The following TTPA variants were observed in gnomAD, a reference collection of about 807,000 sequenced individuals.
TTPA encodes alpha tocopherol transfer protein.
In TTPA, 23 loss-of-function variants were observed where a neutral mutation model predicts 25.9. The ratio of observed to expected loss-of-function variants is 0.89; its 90% confidence interval spans 0.64 to 1.26. The LOEUF (loss-of-function observed/expected upper bound fraction) is 1.26. TTPA is among the 50% of genes most tolerant of loss of function. The probability of loss-of-function intolerance (pLI) is 0.00; values close to 1 mark genes in which losing one functional copy is unlikely to be tolerated. For synonymous variants in TTPA, 148 were observed against 137.3 expected, an observed-to-expected ratio of 1.08 and a Z score of -0.54; for missense variants, 337 against 353.1, an observed-to-expected ratio of 0.95 and a Z score of 0.37.
intron 1 of TTPA, among the ~76,000 whole-genome samples, chr8:63,074,164 C>G (rs1404886661): frequency 6.6e-6 from 1 of 152,072 alleles, no homozygotes; most frequent in African/African-American, 2.4e-5. Context: ...AACAAGGTAA[C>G]TATAACCACA....
chr8:63,060,091 G>GA lies in TTPA; in HGVS notation c.*1160dup, dbSNP rs1428043431. 6.6e-6 allele frequency: 1 copy of GA among 152,104 alleles called. No homozygotes were observed. The highest frequency in any genetic ancestry group is 2.4e-5 in the African/African-American group (1 of 41,424). 9.4% of individuals were successfully genotyped at this position (152,104 alleles called of 1,614,324 possible). A position where few individuals can be genotyped will look rare whatever the true frequency, so the allele number is the denominator to read the frequency against. On this transcript the variant is annotated 3_prime_UTR_variant, in exon 5 of 5. Transcript: ENST00000260116. ...ACTCATATTATTTTATGCATAATCT[G>GA]AAAAATACCAGATGTAATTGACAGT...
chr8:63,074,914 T>C (rs908494719), intron 1 of TTPA, among the ~76,000 whole-genome samples: 1 of 152,134 alleles, frequency 6.6e-6, no homozygotes, highest in African/African-American at 2.4e-5. Flanking sequence ...ACAACACGTG[T>C]TGAATGAAAG....
intron 1 of TTPA, among the ~76,000 whole-genome samples, chr8:63,082,337 A>G (rs1460407015): frequency 2.6e-5 from 4 of 152,102 alleles, no homozygotes; most frequent in South Asian, 2.1e-4. Flanking sequence ...AAATAACACC[A>G]CACATCTACA....
At chr8:63,064,414 A>G in intron 3 of TTPA, 98 bp from the exon 4 acceptor site, 2 of 828,542 alleles carry the variant, frequency 2.4e-6, no homozygotes, top group East Asian at 5.4e-5. Flanking sequence ...AGCTTATGGA[A>G]ATATCTAAAG....
intron 1 of TTPA, among the ~76,000 whole-genome samples, chr8:63,080,689 C>T (rs1805647321): frequency 6.8e-6 from 1 of 147,390 alleles, no homozygotes; most frequent in Non-Finnish European, 1.5e-5. Flanking sequence ...CACTGCACTC[C>T]AGCCTGGGTG....
intron 4 of TTPA, 59 bp from the exon 5 acceptor site, chr8:63,061,484 T>C: frequency 6.6e-7 from 1 of 1,510,210 alleles, no homozygotes; most frequent in African/African-American, 1.4e-5. Context: ...CAGTGGAAAA[T>C]CAACCTCATA....
chr8:63,084,251 A>G (rs1482409090), intron 1 of TTPA, among the ~76,000 whole-genome samples: 1 of 152,100 alleles, frequency 6.6e-6, no homozygotes, highest in African/African-American at 2.4e-5. Context: ...ATACACATCT[A>G]ATTTCATCCA....
At chr8:63,081,071 A>AG (rs1262395468) in intron 1 of TTPA, among the ~76,000 whole-genome samples, 1 of 152,108 alleles carries the variant, frequency 6.6e-6, no homozygotes, top group African/African-American at 2.4e-5. Context: ...TACAAAAAGG[A>AG]GCTGGTACCA....
At chr8:63,067,166 A>C (rs4739047) in intron 2 of TTPA, among the ~76,000 whole-genome samples, 16,376 of 152,210 alleles carry the variant, frequency 0.11, 1,236 homozygotes, top group East Asian at 0.42. Context: ...CCATTGAGAT[A>C]TTAGAAATAA....
At chr8:63,079,702 C>T (rs1031749858) in intron 1 of TTPA, among the ~76,000 whole-genome samples, 8 of 152,166 alleles carry the variant, frequency 5.3e-5, no homozygotes, top group African/African-American at 1.7e-4. Flanking sequence ...GAGACTTAGA[C>T]TCCCACACAA....
At chr8:63,066,199 T>G (rs1805387764) in intron 2 of TTPA, 102 bp from the exon 3 acceptor site, 1 of 1,162,290 alleles carries the variant, frequency 8.6e-7, no homozygotes, top group African/African-American at 1.5e-5. Context: ...TCAGTTGAAA[T>G]AAAAACATCT....
chr8:63,064,247 A>G lies in TTPA; in HGVS notation c.622T>C (p.Ser208Pro). Residue 208 changes from serine to proline, a missense_variant, in exon 4 of 5, where the codon TCC becomes CCC. Transcript: ENST00000260116. ...TCAGTCAGGAATGGTTTGATCATGG[A>G]AAAGACAGCATGGAAAATTACTGGT... ...NEPVIFHAVF[S>P]MIKPFLTEKI... 1.9e-6 allele frequency: 3 copies of G among 1,613,162 alleles called. No individual in the cohort carries two copies. Among genetic ancestry groups the G allele is most frequent in the Non-Finnish European group, 2.5e-6 (3 of 1,179,432 alleles).
chr8:63,071,423 A>G (rs1198016769), intron 2 of TTPA, among the ~76,000 whole-genome samples: 2 of 152,236 alleles, frequency 1.3e-5, no homozygotes, highest in Admixed American at 1.3e-4. Flanking sequence ...CTGTAAAATT[A>G]TAATTAAAAA....
At chr8:63,073,538 T>C (rs867709205) in intron 1 of TTPA, among the ~76,000 whole-genome samples, 3 of 152,174 alleles carry the variant, frequency 2.0e-5, no homozygotes, top group East Asian at 3.8e-4. Context: ...CCAGACACTA[T>C]GTGAGATTAC....
At chr8:63,073,503 A>G (rs1319694251) in intron 1 of TTPA, among the ~76,000 whole-genome samples, 1 of 152,168 alleles carries the variant, frequency 6.6e-6, no homozygotes, top group Non-Finnish European at 1.5e-5. Context: ...GAAGCCTGGT[A>G]CCTTCTGAAT....
chr8:63,065,680 C>T (rs1805377876), intron 3 of TTPA, among the ~76,000 whole-genome samples: 1 of 152,116 alleles, frequency 6.6e-6, no homozygotes, highest in South Asian at 2.1e-4. Context: ...TAAATCCTCT[C>T]GTTACTAATT....
intron 4 of TTPA, 22 bp downstream of exon 4, chr8:63,064,184 G>A (rs776127728): frequency 6.5e-7 from 1 of 1,543,112 alleles, no homozygotes; most frequent in African/African-American, 1.4e-5. Context: ...GAGGAACACA[G>A]ACTTGAATAT....
Position 63,064,240 on chromosome 8 carries a change from A to T in TTPA, c.629T>A (p.Ile210Asn). The change falls in exon 4 of 5, where the codon ATC becomes AAC. Residue 210 changes from isoleucine (I) to asparagine (N), a missense_variant. Coordinates refer to ENST00000260116, the MANE Select transcript of TTPA (RefSeq NM_000370.3). ...AATTTTTTCAGTCAGGAATGGTTTGATCATGGAAAAGACAGCATGGAAAAT... is the reference window on the plus strand; with the variant it reads ...AATTTTTTCAGTCAGGAATGGTTTGTTCATGGAAAAGACAGCATGGAAAAT... Reference protein sequence around the residue: ...PVIFHAVFSMIKPFLTEKIKE... With the variant: ...PVIFHAVFSMNKPFLTEKIKE... The T allele has an allele frequency of 6.2e-7, 1 of 1,613,170 alleles. No homozygotes were observed. Among genetic ancestry groups the T allele is most frequent in the Non-Finnish European group, 8.5e-7 (1 of 1,179,476 alleles).
At chr8:63,077,039 T>G (rs144676612) in intron 1 of TTPA, among the ~76,000 whole-genome samples, 4 of 152,096 alleles carry the variant, frequency 2.6e-5, no homozygotes, top group African/African-American at 9.7e-5. Flanking sequence ...ATCAATTCAT[T>G]TGATTACATT....
Sources: allele counts gnomAD v4.1 joint callset (sites outside exome capture counted in the v4.1 genomes callset), GRCh38; gene constraint gnomAD v4.1.1; transcripts MANE v1.5; gene names NCBI Gene and HGNC (gene_info 2026-07-23, HGNC 2026-07-21).